Variants in PEX5L observed in about 807,000 individuals in gnomAD.
PEX5L encodes PEX5-related protein.
In PEX5L, 30 loss-of-function variants were observed where a neutral mutation model predicts 84.0. The observed-to-expected ratio is 0.36, with a 90% CI of 0.27 to 0.48. The LOEUF is 0.48. Among genes scored for constraint, PEX5L ranks in the 20% least tolerant of loss-of-function variants. PEX5L has a pLI of 0.99. For synonymous variants in PEX5L, 270 were observed against 283.1 expected, an observed-to-expected ratio of 0.95 and a Z score of 0.46; for missense variants, 533 against 754.6, an observed-to-expected ratio of 0.71 and a Z score of 3.44.
At chr3:180,031,616 T>G (rs1791474178) in intron 1 of PEX5L, among the ~76,000 whole-genome samples, 1 of 152,246 alleles carries the variant, frequency 6.6e-6, no homozygotes, top group South Asian at 2.1e-4. Flanking sequence ...GGAGTTTACC[T>G]TTACATTTAG....
intron 7 of PEX5L, among the ~76,000 whole-genome samples, chr3:179,863,749 C>T (rs1747092292): frequency 6.6e-6 from 1 of 152,050 alleles, no homozygotes. Flanking sequence ...ATTAGTGTAA[C>T]CATTATGGAA....
intron 14 of PEX5L, among the ~76,000 whole-genome samples, chr3:179,807,259 A>G (rs572976931): frequency 2.2e-5 from 2 of 90,974 alleles, no homozygotes; most frequent in East Asian, 5.6e-4. Context: ...GGACTTTCTG[A>G]AAGTCATTTT....
At chr3:179,875,508 G>T in intron 5 of PEX5L, 31 bp from the exon 6 acceptor site, 1 of 1,607,004 alleles carries the variant, frequency 6.2e-7, no homozygotes, top group South Asian at 1.1e-5. Context: ...AGGTGAGGCA[G>T]GTGGCGGCAG....
intron 12 of PEX5L, among the ~76,000 whole-genome samples, chr3:179,808,933 G>C (rs1722524104): frequency 6.6e-6 from 1 of 151,654 alleles, no homozygotes; most frequent in Middle Eastern, 3.2e-3. Flanking sequence ...AATTAGCCGG[G>C]CGTGTTGGCG....
At chr3:179,972,439 G>T (rs1425660087) in intron 1 of PEX5L, among the ~76,000 whole-genome samples, 2 of 152,012 alleles carry the variant, frequency 1.3e-5, no homozygotes, top group African/African-American at 4.8e-5. Flanking sequence ...AAGATAATAT[G>T]TCTGAGCCTT....
intron 7 of PEX5L, among the ~76,000 whole-genome samples, chr3:179,870,977 C>T (rs1007982968): frequency 6.6e-6 from 1 of 151,992 alleles, no homozygotes. Flanking sequence ...TTCTGAAATA[C>T]AATTTTTAAA....
At chr3:179,961,412 A>G (rs1782002348) in intron 2 of PEX5L, among the ~76,000 whole-genome samples, 1 of 152,122 alleles carries the variant, frequency 6.6e-6, no homozygotes, top group African/African-American at 2.4e-5. Context: ...CAAACCTTAT[A>G]TATGCAGTGT....
intron 2 of PEX5L, among the ~76,000 whole-genome samples, chr3:179,928,371 C>T (rs1772073529): frequency 6.6e-6 from 1 of 152,140 alleles, no homozygotes; most frequent in Admixed American, 6.5e-5. Flanking sequence ...TGTACCCATC[C>T]CTTTTGGAGG....
intron 1 of PEX5L, among the ~76,000 whole-genome samples, chr3:180,029,347 A>C (rs1223502428): frequency 6.6e-6 from 1 of 152,122 alleles, no homozygotes; most frequent in Non-Finnish European, 1.5e-5. Flanking sequence ...AAACAAACGA[A>C]TTGTTTTGAG....
chr3:179,797,605 A>AAATAT lies in PEX5L; in HGVS notation c.*4222_*4223insATATT, dbSNP rs1553807980. ...AACACTCTTTAAAAAAAAAAAAAAAAATATATATATATATATATATATATA... is the reference window on the plus strand; with the variant it reads ...AACACTCTTTAAAAAAAAAAAAAAAAAATATATATATATATATATATATATATATA... On this transcript the variant is annotated 3_prime_UTR_variant, in exon 15 of 15. Transcript: ENST00000467460. 40 of 89,160 alleles carry AAATAT rather than the reference A, an allele frequency of 4.5e-4. No individual in the cohort carries two copies. The highest frequency in any genetic ancestry group is 7.4e-4 in the Non-Finnish European group (34 of 46,156). 5.5% of individuals were successfully genotyped at this position (89,160 alleles called of 1,614,324 possible).
intron 14 of PEX5L, 95 bp from the exon 15 acceptor site, chr3:179,802,127 TC>T: frequency 1.2e-6 from 1 of 864,636 alleles, no homozygotes; most frequent in Non-Finnish European, 1.9e-6. Context: ...GTGATTTTAA[TC>T]TAAAATCTTA....
In PEX5L at chr3:179,795,997, A is replaced by G. The variant is rs1003421343; in HGVS notation, c.*5831T>C. 2 of 152,168 alleles carry G rather than the reference A, an allele frequency of 1.3e-5. No homozygotes were observed. Among genetic ancestry groups the G allele is most frequent in the Non-Finnish European group, 2.9e-5 (2 of 68,026 alleles). The allele number at this position is 152,168 out of a possible 1,614,324, so 9.4% of individuals were successfully genotyped here. A position where few individuals can be genotyped will look rare whatever the true frequency, so the allele number is the denominator to read the frequency against. On this transcript the variant is annotated 3_prime_UTR_variant, in exon 15 of 15. Coordinates refer to ENST00000467460, the MANE Select transcript of PEX5L (RefSeq NM_016559.3). ...TAAGTTTGCTGTATTTCCCTTAACT[A>G]CTGGTAATGTAGTCCATCATGAACA...
rs576604479 is a variant in PEX5L, at chr3:180,036,005, T to G, written c.21+574A>C. On this transcript the variant is annotated intron_variant, in intron 1 of 14. Transcript: ENST00000467460. ...AGGCAGCACCTCCCCTGAAAAACAT[T>G]AGAGCTCCTTGGACATGTGTTTGAA... 3.0e-4 allele frequency among the ~76,000 whole-genome samples: 45 copies of G among 152,218 alleles called. No homozygotes were observed. In the South Asian group the frequency reaches 9.1e-3, roughly 31 times the overall value.
intron 1 of PEX5L, 21 bp from the exon 2 acceptor site, chr3:179,971,686 A>C: frequency 6.3e-7 from 1 of 1,581,498 alleles, no homozygotes; most frequent in Non-Finnish European, 8.6e-7. Context: ...AATAATTTTA[A>C]ATGATCATTT....
intron 6 of PEX5L, among the ~76,000 whole-genome samples, chr3:179,874,958 A>G (rs1440478935): frequency 6.6e-6 from 1 of 151,732 alleles, no homozygotes; most frequent in Non-Finnish European, 1.5e-5. Context: ...ATTATTCTTA[A>G]TTATTTGATT....
chr3:179,815,802 T>G (rs1725845551), intron 10 of PEX5L, 59 bp downstream of exon 10: 3 of 1,577,736 alleles, frequency 1.9e-6, no homozygotes, highest in South Asian at 2.2e-5. Flanking sequence ...TTCTGTGTTA[T>G]CTGTCCCTTG....
At chr3:179,818,593 C>G (rs75245291) in intron 9 of PEX5L, among the ~76,000 whole-genome samples, 2,678 of 152,080 alleles carry the variant, frequency 0.018, 45 homozygotes, top group Non-Finnish European at 0.029. Context: ...TCCCTACCCC[C>G]CTCCCCTGCC....
chr3:179,825,976 T>C (rs1412437299), intron 8 of PEX5L, among the ~76,000 whole-genome samples: 1 of 152,204 alleles, frequency 6.6e-6, no homozygotes, highest in African/African-American at 2.4e-5. Flanking sequence ...ACAAAAATAT[T>C]GGTACTAGCA....
intron 5 of PEX5L, among the ~76,000 whole-genome samples, chr3:179,876,373 T>C (rs9843845): frequency 0.05 from 7,636 of 151,972 alleles, 687 homozygotes; most frequent in African/African-American, 0.18. Flanking sequence ...GGTGCATGCC[T>C]GTAATCCCAG....
Sources: gnomAD v4.1 joint callset for allele counts (sites outside exome capture counted in the v4.1 genomes callset) on GRCh38, gnomAD v4.1.1 for gene constraint, MANE v1.5 for transcripts, NCBI Gene and HGNC (gene_info 2026-07-23, HGNC 2026-07-21) for gene names.